The following PTPRZ1 variants were observed in gnomAD, a reference collection of about 807,000 sequenced individuals.
The protein encoded by PTPRZ1 is receptor-type tyrosine-protein phosphatase zeta.
In PTPRZ1, 82 loss-of-function variants were observed where a neutral mutation model predicts 214.1. The observed-to-expected ratio is 0.38, with a 90% CI of 0.32 to 0.46. The LOEUF (loss-of-function observed/expected upper bound fraction) is 0.46, where lower values mean the gene tolerates loss of function less well. Ranked by LOEUF, PTPRZ1 falls within the 20% of genes least tolerant of loss-of-function variation. The pLI, the probability that PTPRZ1 is intolerant of heterozygous loss-of-function variation, is 1.00. For missense variants in PTPRZ1, 2,603 were observed against 2,748.7 expected, an observed-to-expected ratio of 0.95 and a Z score of 1.19; for synonymous variants, 945 against 987.9, an observed-to-expected ratio of 0.96 and a Z score of 0.81.
At chr7:122,047,550 G>T (rs982665838) in intron 23 of PTPRZ1, among the ~76,000 whole-genome samples, 2 of 152,030 alleles carry the variant, frequency 1.3e-5, no homozygotes, top group African/African-American at 4.8e-5. Flanking sequence ...AGGCTCTAAG[G>T]CTGGAGGCTG....
rs1226031960 is a variant in PTPRZ1, at chr7:121,928,144, T to C, written c.59-12T>C. ...TTCTACATACTGATTACTTGGTTTT[T>C]CTTTTTTATAGATTGGGCTAATGGA... On this transcript the variant is annotated splice_polypyrimidine_tract_variant and intron_variant, in intron 1 of 29. Coordinates refer to ENST00000393386, the MANE Select transcript of PTPRZ1 (RefSeq NM_002851.3). 1 of 1,604,690 alleles carries C rather than the reference T, an allele frequency of 6.2e-7. No homozygotes were observed. The highest frequency in any genetic ancestry group is 1.7e-5 in the Admixed American group (1 of 59,760).
chr7:122,034,397 C>A lies in PTPRZ1; in HGVS notation c.5284+19C>A. The stretch of plus-strand genomic sequence containing the variant: ...GTTGCCTGTAAGTATATTCTTAAAT[C>A]AGCTCTGACTTCAATATCATTGCCA... On this transcript the variant is annotated intron_variant, in intron 17 of 29. Coordinates refer to ENST00000393386, the MANE Select transcript of PTPRZ1 (RefSeq NM_002851.3). 6.2e-7 allele frequency: 1 copy of A among 1,602,224 alleles called. No individual in the cohort carries two copies. Among genetic ancestry groups the A allele is most frequent in the Non-Finnish European group, 8.5e-7 (1 of 1,171,098 alleles).
At chr7:121,916,461 A>G (rs1223081675) in intron 1 of PTPRZ1, among the ~76,000 whole-genome samples, 2 of 152,210 alleles carry the variant, frequency 1.3e-5, no homozygotes, top group African/African-American at 4.8e-5. Flanking sequence ...CAAACAGAAC[A>G]GTAAACCTGG....
At position 122,054,045 on chromosome 7, in the gene PTPRZ1, C is replaced by A; in HGVS notation, c.6381+7C>A. The A allele has an allele frequency of 4.3e-6, 7 of 1,612,284 alleles. No homozygotes were observed. The South Asian group carries it at 7.7e-5, about 18-fold the overall frequency. Reference sequence around the variant, plus strand: ...TCCTGATGGCCAAAACATGGTAAGTCCCTTAGACCACTTTTGGGACTTCCT... The same window carrying A: ...TCCTGATGGCCAAAACATGGTAAGTACCTTAGACCACTTTTGGGACTTCCT... On this transcript the variant is annotated splice_region_variant and intron_variant, in intron 26 of 29. Transcript: ENST00000393386.
intron 18 of PTPRZ1, 107 bp from the exon 19 acceptor site, chr7:122,038,648 G>T: frequency 1.9e-6 from 2 of 1,068,092 alleles, no homozygotes; most frequent in Non-Finnish European, 2.6e-6. Context: ...ATTTTTTATG[G>T]TTTTCTTTTA....
rs139951695 is a variant in PTPRZ1 at position 122,022,200 on chromosome 7, A to G, written c.4988+2932A>G. On this transcript the variant is annotated intron_variant, in intron 13 of 29. Transcript: ENST00000393386. Reference sequence around the variant, plus strand: ...CTTAATTAGGTAATATTGAAATATCATAAAACTCACCTTTTTAAAGTGTAT... The same window carrying G: ...CTTAATTAGGTAATATTGAAATATCGTAAAACTCACCTTTTTAAAGTGTAT... Among the ~76,000 whole-genome samples the G allele has an allele frequency of 8.3e-4, 127 of 152,366 alleles. 1 individual carries two copies. The East Asian group carries it at 0.02, about 25-fold the overall frequency.
At chr7:121,903,780 C>A (rs113897936) in intron 1 of PTPRZ1, among the ~76,000 whole-genome samples, 26 of 152,202 alleles carry the variant, frequency 1.7e-4, no homozygotes, top group African/African-American at 6.3e-4. Flanking sequence ...GAGAGTTAAT[C>A]CTAGTAAGCC....
chr7:122,058,774 C>T (rs780518192), intron 27 of PTPRZ1, 26 bp from the exon 28 acceptor site: 9 of 1,578,378 alleles, frequency 5.7e-6, no homozygotes, highest in Non-Finnish European at 7.8e-6. Flanking sequence ...CACTAACTAA[C>T]ATTACTTTGT....
chr7:121,911,402 G>A (rs933142593), intron 1 of PTPRZ1, among the ~76,000 whole-genome samples: 3 of 152,042 alleles, frequency 2.0e-5, no homozygotes, highest in African/African-American at 7.2e-5. Flanking sequence ...TGATTGCACT[G>A]TAACTGGCCA....
At chr7:122,027,525 T>C (rs1799237989) in intron 13 of PTPRZ1, among the ~76,000 whole-genome samples, 1 of 152,226 alleles carries the variant, frequency 6.6e-6, no homozygotes, top group Non-Finnish European at 1.5e-5. Context: ...AAATGCCTTG[T>C]AGCTTGAAGG....
intron 3 of PTPRZ1, among the ~76,000 whole-genome samples, chr7:121,970,839 A>G (rs28406468): frequency 0.028 from 4,319 of 152,066 alleles, 75 homozygotes; most frequent in African/African-American, 0.048. Flanking sequence ...GGCTTTTGTT[A>G]CCATTGCTTT....
At chr7:121,915,262 G>T (rs1179960019) in intron 1 of PTPRZ1, among the ~76,000 whole-genome samples, 1 of 152,138 alleles carries the variant, frequency 6.6e-6, no homozygotes, top group Non-Finnish European at 1.5e-5. Flanking sequence ...GGTTCAGGTA[G>T]GAAGTGAGTG....
chr7:122,051,798 C>G, intron 24 of PTPRZ1, 68 bp from the exon 25 acceptor site: 1 of 1,385,894 alleles, frequency 7.2e-7, no homozygotes, highest in Non-Finnish European at 1.0e-6. Flanking sequence ...TGGTACAGTG[C>G]TGTGAGCATG....
At chr7:122,060,292 A>G (rs1001792883) in intron 29 of PTPRZ1, among the ~76,000 whole-genome samples, 3 of 152,072 alleles carry the variant, frequency 2.0e-5, no homozygotes, top group Non-Finnish European at 4.4e-5. Flanking sequence ...AGCCCCTAAT[A>G]AGTCTTATTC....
intron 1 of PTPRZ1, among the ~76,000 whole-genome samples, chr7:121,927,602 C>G (rs1294549640): frequency 6.6e-6 from 1 of 152,180 alleles, no homozygotes; most frequent in East Asian, 1.9e-4. Flanking sequence ...TTCACTCACG[C>G]TATCTGACGT....
chr7:122,001,234 C>A (rs1205272844), intron 10 of PTPRZ1, among the ~76,000 whole-genome samples: 1 of 151,702 alleles, frequency 6.6e-6, no homozygotes, highest in Non-Finnish European at 1.5e-5. Context: ...TATCAAGGAG[C>A]CTTTTTAATG....
At chr7:122,039,142 T>C (rs1019749507) in intron 19 of PTPRZ1, among the ~76,000 whole-genome samples, 1 of 152,174 alleles carries the variant, frequency 6.6e-6, no homozygotes, top group Non-Finnish European at 1.5e-5. Context: ...TGAAAAGCAA[T>C]GTAGAGTGAA....
chr7:121,916,936 G>GA (rs1795445786), intron 1 of PTPRZ1, among the ~76,000 whole-genome samples: 1 of 152,156 alleles, frequency 6.6e-6, no homozygotes, highest in African/African-American at 2.4e-5. Context: ...AATTGAGAAA[G>GA]AAAAGAAAGT....
At chr7:121,995,445 A>G (rs564346143) in intron 8 of PTPRZ1, among the ~76,000 whole-genome samples, 17 of 152,216 alleles carry the variant, frequency 1.1e-4, no homozygotes, top group Non-Finnish European at 1.6e-4. Context: ...AAATATCATA[A>G]AATGTTATAG....
Sources: allele counts gnomAD v4.1 joint callset (sites outside exome capture counted in the v4.1 genomes callset), GRCh38; gene constraint gnomAD v4.1.1; transcripts MANE v1.5; gene names NCBI Gene and HGNC (gene_info 2026-07-23, HGNC 2026-07-21).